The following ZNF587 variants were observed in gnomAD, a reference collection of about 807,000 sequenced individuals.
The protein encoded by ZNF587 is zinc finger protein 587, also known as zinc finger protein zfp6.
Under a neutral mutation model 7.5 loss-of-function variants are expected in ZNF587, and 8 were observed. That is an observed-to-expected ratio of 1.06 (90% CI 0.62 to 1.92). The LOEUF (loss-of-function observed/expected upper bound fraction) is 1.92, where lower values mean the gene tolerates loss of function less well. ZNF587 is among the 40% of genes most tolerant of loss of function. ZNF587 has a pLI of 0.00. For synonymous variants in ZNF587, 145 were observed against 237.8 expected (o/e 0.61, Z 3.59); for missense variants, 468 against 692.8 (o/e 0.68, Z 3.64).
intron 1 of ZNF587, 109 bp from the exon 2 acceptor site, chr19:57,855,995 C>G: frequency 6.5e-7 from 1 of 1,536,304 alleles, no homozygotes; most frequent in East Asian, 2.3e-5. Flanking sequence ...GTTTCAACTC[C>G]GTGTTGGGGA....
In ZNF587 at chr19:57,859,323, C is replaced by G. The variant is rs1372677118; in HGVS notation, c.911C>G (p.Ser304Cys). The change falls in exon 3 of 3, where the codon TCT becomes TGT. Residue 304 changes from serine (S) to cysteine (C), a missense_variant. Around this residue, in one of 5 missense-constraint regions of ZNF587, gnomAD observed 310 missense variants for 325.6 expected, o/e 0.95. Coordinates refer to ENST00000339656, the MANE Select transcript of ZNF587 (RefSeq NM_032828.4). ...TATCCCTGTGAGGAGTGCGGGAAAT[C>G]TTTTAGTCAGAAGGGCAGCCTTATT... ...TAYPCEECGK[S>C]FSQKGSLISH... The G allele has an allele frequency of 1.3e-6, 2 of 1,598,278 alleles. No homozygotes were observed. Among genetic ancestry groups the G allele is most frequent in the Non-Finnish European group, 8.5e-7 (1 of 1,172,438 alleles).
chr19:57,854,878 T>TA (rs750461064), intron 1 of ZNF587, among the ~76,000 whole-genome samples: 6,212 of 141,000 alleles, frequency 0.044, 294 homozygotes, highest in African/African-American at 0.12. Context: ...CCGTCTCTAC[T>TA]AAAAAAAAAA....
In ZNF587 at chr19:57,863,464, T is replaced by A. The variant is rs952635822; in HGVS notation, c.*3324T>A. 1 of 152,172 alleles carries A rather than the reference T, an allele frequency of 6.6e-6. No individual in the cohort carries two copies. The highest frequency in any genetic ancestry group is 1.5e-5 in the Non-Finnish European group (1 of 68,138). The allele number at this position is 152,172 out of a possible 1,614,324, so 9.4% of individuals were successfully genotyped here. A position where few individuals can be genotyped will look rare whatever the true frequency, so the allele number is the denominator to read the frequency against. On this transcript the variant is annotated 3_prime_UTR_variant, in exon 3 of 3. Transcript: ENST00000339656. ...CGGGGTTTTACTGTATTTGCCAGGA[T>A]GGTCTCGATCTCCAGACCTCGTGAT...
Position 57,862,303 on chromosome 19 carries a change from A to T in ZNF587, c.*2163A>T, listed in dbSNP as rs1323578718. ...TATGGAAAGGATACACACTTTGTAG[A>T]AACAAGAACTTTATGTTATCCAAGT... On this transcript the variant is annotated 3_prime_UTR_variant, in exon 3 of 3. Transcript: ENST00000339656. 1.3e-5 allele frequency: 2 copies of T among 152,200 alleles called. No individual in the cohort carries two copies. The highest frequency in any genetic ancestry group is 2.9e-5 in the Non-Finnish European group (2 of 68,022). 9.4% of individuals were successfully genotyped at this position (152,200 alleles called of 1,614,324 possible).
intron 1 of ZNF587, chr19:57,854,205 G>A (rs1045067316): frequency 6.6e-6 from 1 of 152,152 alleles, no homozygotes; most frequent in African/African-American, 2.4e-5. Context: ...TCCAGGGGCT[G>A]GGCTTTAAAC....
In ZNF587 at chr19:57,864,128, A is replaced by ATTTTTT. The variant is rs200642194; in HGVS notation, c.*4006_*4011dup. On this transcript the variant is annotated 3_prime_UTR_variant, in exon 3 of 3. Transcript: ENST00000339656. ...ATATGGGCTTAGATATTATCCCTAA[A>ATTTTTT]TTTTTTTTTTTTTTTTTTTTTTTGA... The ATTTTTT allele has an allele frequency of 3.3e-5, 3 of 90,616 alleles. No homozygotes were observed. Among genetic ancestry groups the ATTTTTT allele is most frequent in the African/African-American group, 4.5e-5 (1 of 22,392 alleles). The allele number at this position is 90,616 out of a possible 1,614,324, so 5.6% of individuals were successfully genotyped here.
At chr19:57,852,485 G>C in intron 1 of ZNF587, 2 of 398,266 alleles carry the variant, frequency 5.0e-6, no homozygotes, top group Non-Finnish European at 8.9e-6. Context: ...AATCACATGG[G>C]TCTGGATTCA....
Position 57,849,896 on chromosome 19 carries a change from A to T in ZNF587, c.-143A>T, listed in dbSNP as rs551137689. The T allele has an allele frequency of 1.3e-6, 2 of 1,536,546 alleles. No homozygotes were observed. The highest frequency in any genetic ancestry group is 4.7e-5 in the East Asian group (2 of 42,828). Reference sequence around the variant, plus strand: ...GTATCGGCGATGCGGGTGTTTCCCCAGTTTGTGGCCCCTGAGTGCTGGGTG... The same window carrying T: ...GTATCGGCGATGCGGGTGTTTCCCCTGTTTGTGGCCCCTGAGTGCTGGGTG... On this transcript the variant is annotated 5_prime_UTR_variant, in exon 1 of 3. Coordinates refer to ENST00000339656, the MANE Select transcript of ZNF587 (RefSeq NM_032828.4).
rs528613724 is a variant in ZNF587, at chr19:57,856,001, G to A, written c.34-103G>A. 4 of 1,552,182 alleles carry A rather than the reference G, an allele frequency of 2.6e-6. No individual in the cohort carries two copies. The East Asian group carries it at 7.0e-5, about 27-fold the overall frequency. The stretch of plus-strand genomic sequence containing the variant: ...GTGGATGTGGTTTCAACTCCGTGTT[G>A]GGGACCTTGGGAGGAGGATGGGCAA... On this transcript the variant is annotated intron_variant, in intron 1 of 2. Coordinates refer to ENST00000339656, the MANE Select transcript of ZNF587 (RefSeq NM_032828.4).
chr19:57,852,266 T>G (rs1310569757), intron 1 of ZNF587: 2 of 398,294 alleles, frequency 5.0e-6, no homozygotes, highest in East Asian at 7.1e-5. Context: ...CTTGTAAGAT[T>G]AACCCAGGAT....
intron 1 of ZNF587, chr19:57,854,185 G>T (rs2071320693): frequency 6.6e-6 from 1 of 152,144 alleles, no homozygotes; most frequent in African/African-American, 2.4e-5. Context: ...GATGTGGTTT[G>T]GTTCACAAAT....
chr19:57,850,631 C>A (rs988679494), intron 1 of ZNF587: 50 of 399,682 alleles, frequency 1.3e-4, no homozygotes, highest in Non-Finnish European at 2.0e-4. Context: ...GCAGATACCC[C>A]GAGTCCTGCG....
At chr19:57,856,015 G>A in intron 1 of ZNF587, 89 bp from the exon 2 acceptor site, 2 of 1,567,916 alleles carry the variant, frequency 1.3e-6, no homozygotes, top group Non-Finnish European at 1.7e-6. Context: ...ACCTTGGGAG[G>A]AGGATGGGCA....
chr19:57,856,180 G>T lies in ZNF587; in HGVS notation c.110G>T (p.Arg37Met), dbSNP rs1333595166. The T allele has an allele frequency of 7.4e-6, 12 of 1,612,612 alleles. No homozygotes were observed. Among genetic ancestry groups the T allele is most frequent in the Non-Finnish European group, 1.0e-5 (12 of 1,179,120 alleles). The change falls in exon 2 of 3, where the codon AGG (arginine) becomes ATG (methionine). Residue 37 changes from arginine to methionine, a missense_variant. By Grantham distance (91) the Arg-to-Met change is moderately conservative. Transcript: ENST00000339656. ...EEWCLLSEAQ[R>M]CLYRDVMLEN... The stretch of plus-strand genomic sequence containing the variant: ...TGGTGTCTTCTTAGTGAGGCTCAGA[G>T]GTGCTTGTACCGTGATGTGATGCTA...
Position 57,863,655 on chromosome 19 carries a change from A to G in ZNF587, c.*3515A>G, listed in dbSNP as rs1040796370. 3 of 152,196 alleles carry G rather than the reference A, an allele frequency of 2.0e-5. No individual in the cohort carries two copies. Among genetic ancestry groups the G allele is most frequent in the Non-Finnish European group, 4.4e-5 (3 of 68,044 alleles). 9.4% of individuals were successfully genotyped at this position (152,196 alleles called of 1,614,324 possible). The stretch of plus-strand genomic sequence containing the variant: ...TTTCCTAACATGCTTGGTGGATACA[A>G]GAGTTAAGACTTCCTGTCCCGTTTA... On this transcript the variant is annotated 3_prime_UTR_variant, in exon 3 of 3. Transcript: ENST00000339656.
Position 57,849,870 on chromosome 19 carries a change from T to C in ZNF587, c.-169T>C. The C allele has an allele frequency of 1.3e-6, 2 of 1,493,934 alleles. No homozygotes were observed. Among genetic ancestry groups the C allele is most frequent in the East Asian group, 2.4e-5 (1 of 41,082 alleles). 92.5% of individuals were successfully genotyped at this position (1,493,934 alleles called of 1,614,324 possible). A position where few individuals can be genotyped will look rare whatever the true frequency, so the allele number is the denominator to read the frequency against. ...CTTCCGGGGTCTCTAGTAGCGGCTGTGTATCGGCGATGCGGGTGTTTCCCC... is the reference window on the plus strand; with the variant it reads ...CTTCCGGGGTCTCTAGTAGCGGCTGCGTATCGGCGATGCGGGTGTTTCCCC... On this transcript the variant is annotated 5_prime_UTR_variant, in exon 1 of 3. Transcript: ENST00000339656.
At chr19:57,855,542 A>T (rs1291664137) in intron 1 of ZNF587, among the ~76,000 whole-genome samples, 2 of 149,752 alleles carry the variant, frequency 1.3e-5, no homozygotes, top group Non-Finnish European at 3.0e-5. Context: ...ATCGCTGTTC[A>T]GAAGGGGGTG....
chr19:57,850,883 T>A (rs925363601), intron 1 of ZNF587: 5 of 253,598 alleles, frequency 2.0e-5, no homozygotes, highest in Non-Finnish European at 3.0e-5. Flanking sequence ...TCTGTGAATT[T>A]CCTTGAACAA....
chr19:57,863,881 A>G lies in ZNF587; in HGVS notation c.*3741A>G, dbSNP rs1159575782. The G allele has an allele frequency of 6.6e-6, 1 of 151,412 alleles. No individual in the cohort carries two copies. Among genetic ancestry groups the G allele is most frequent in the Non-Finnish European group, 1.5e-5 (1 of 67,912 alleles). The allele number at this position is 151,412 out of a possible 1,614,324, so 9.4% of individuals were successfully genotyped here. ...AATATTGTGAATTCCTGTCTCTACT[A>G]AAAATACAAAAATTAGTCGGGCATG... On this transcript the variant is annotated 3_prime_UTR_variant, in exon 3 of 3. Transcript: ENST00000339656.
Sources: allele counts gnomAD v4.1 joint callset (sites outside exome capture counted in the v4.1 genomes callset), GRCh38; gene constraint gnomAD v4.1.1; regional missense constraint gnomAD v4.1.1; transcripts MANE v1.5; gene names NCBI Gene and HGNC (gene_info 2026-07-23, HGNC 2026-07-21).